SORCS3: variants seen among roughly 807,000 people sequenced by gnomAD.
SORCS3 encodes sortilin related VPS10 domain containing receptor 3.
In SORCS3, 57 loss-of-function variants were observed where a neutral mutation model predicts 146.3. That is an observed-to-expected ratio of 0.39 (90% CI 0.31 to 0.49). The LOEUF (loss-of-function observed/expected upper bound fraction) is 0.49, where lower values mean the gene tolerates loss of function less well. Ranked by LOEUF, SORCS3 falls within the 20% of genes least tolerant of loss-of-function variation. The pLI is 0.92. For missense variants in SORCS3, 1,341 were observed against 1,575.5 expected (o/e 0.85, Z 2.52); for synonymous variants, 653 against 618.5 (o/e 1.06, Z -0.83).
At chr10:104,668,166 C>T (rs562527441) in intron 1 of SORCS3, among the ~76,000 whole-genome samples, 7 of 152,020 alleles carry the variant, frequency 4.6e-5, no homozygotes, top group South Asian at 4.2e-4. Flanking sequence ...TGTGTGTGTG[C>T]GCGCATGTGT....
At chr10:104,773,645 G>A (rs1248397574) in intron 1 of SORCS3, among the ~76,000 whole-genome samples, 1 of 152,220 alleles carries the variant, frequency 6.6e-6, no homozygotes, top group Non-Finnish European at 1.5e-5. Context: ...ACTGCTGTGT[G>A]TTGTTGGGAA....
At chr10:105,027,928 G>A (rs1477950406) in intron 4 of SORCS3, among the ~76,000 whole-genome samples, 2 of 152,096 alleles carry the variant, frequency 1.3e-5, no homozygotes, top group Non-Finnish European at 2.9e-5. Context: ...TATTTAAAAC[G>A]TTATCTTTAA....
At chr10:104,807,394 A>T (rs1236154018) in intron 1 of SORCS3, among the ~76,000 whole-genome samples, 1 of 152,224 alleles carries the variant, frequency 6.6e-6, no homozygotes, top group South Asian at 2.1e-4. Context: ...ATGTGAATAC[A>T]TTATATATTT....
intron 4 of SORCS3, among the ~76,000 whole-genome samples, chr10:105,022,106 T>G (rs551562155): frequency 1.3e-5 from 2 of 152,254 alleles, no homozygotes; most frequent in South Asian, 4.1e-4. Context: ...TTCCACATTA[T>G]AGTACAGTGG....
At chr10:105,194,169 A>G (rs1273686020) in intron 14 of SORCS3, among the ~76,000 whole-genome samples, 1 of 152,286 alleles carries the variant, frequency 6.6e-6, no homozygotes, top group Middle Eastern at 3.4e-3. Context: ...ATATTTATAT[A>G]TGAGGTGTTC....
chr10:105,193,282 A>G (rs1003437282), intron 14 of SORCS3, among the ~76,000 whole-genome samples: 1 of 152,202 alleles, frequency 6.6e-6, no homozygotes. Flanking sequence ...GTCCTTCTAT[A>G]TTCCAAATGA....
chr10:105,089,866 C>T, intron 6 of SORCS3, 27 bp downstream of exon 6: 1 of 1,597,110 alleles, frequency 6.3e-7, no homozygotes, highest in Non-Finnish European at 8.6e-7. Context: ...CCAGGCTAGG[C>T]CCAGGGAGAT....
At chr10:104,977,272 AG>A in intron 3 of SORCS3, 62 bp from the exon 4 acceptor site, 1 of 1,346,016 alleles carries the variant, frequency 7.4e-7, no homozygotes. Context: ...TTATGATTAA[AG>A]TTATTATATT....
intron 1 of SORCS3, among the ~76,000 whole-genome samples, chr10:104,734,238 G>C (rs577892210): frequency 7.9e-4 from 121 of 152,298 alleles, no homozygotes; most frequent in Middle Eastern, 3.4e-3. Flanking sequence ...TACCATTAGA[G>C]ATGCAATTCT....
At chr10:105,253,620 A>G (rs2056913533) in intron 23 of SORCS3, among the ~76,000 whole-genome samples, 1 of 152,194 alleles carries the variant, frequency 6.6e-6, no homozygotes, top group Non-Finnish European at 1.5e-5. Context: ...AGTCAGGTGC[A>G]ATAGAAATAA....
rs181321270 is a variant in SORCS3 at position 104,651,310 on chromosome 10, G to T, written c.627+9356G>T. ...ACAGCAATCTTGAACAAGTCTCTAA[G>T]CCTTAGTTTCACTGGCTGTAAAATG... On this transcript the variant is annotated intron_variant, in intron 1 of 26. Coordinates refer to ENST00000369701, the MANE Select transcript of SORCS3 (RefSeq NM_014978.3). 1.1e-4 allele frequency among the ~76,000 whole-genome samples: 16 copies of T among 152,270 alleles called. No homozygotes were observed. In the East Asian group the frequency reaches 2.3e-3, roughly 22 times the overall value.
intron 4 of SORCS3, among the ~76,000 whole-genome samples, chr10:104,984,971 T>C (rs2054953793): frequency 6.6e-6 from 1 of 152,148 alleles, no homozygotes; most frequent in Non-Finnish European, 1.5e-5. Flanking sequence ...TCTTACCTTG[T>C]TATAGATGAC....
chr10:104,818,408 CTCT>C (rs2017832254), intron 1 of SORCS3, among the ~76,000 whole-genome samples: 1 of 150,596 alleles, frequency 6.6e-6, no homozygotes, highest in Non-Finnish European at 1.5e-5. Flanking sequence ...TTCCTTCTTT[CTCT>C]CTTTTTTTTT....
chr10:105,007,981 T>C (rs2055107895), intron 4 of SORCS3, among the ~76,000 whole-genome samples: 1 of 151,980 alleles, frequency 6.6e-6, no homozygotes, highest in South Asian at 2.1e-4. Context: ...ACCTAAAAGA[T>C]GGGGTGGGGG....
At chr10:104,943,828 G>T (rs1427606296) in intron 3 of SORCS3, among the ~76,000 whole-genome samples, 1 of 152,330 alleles carries the variant, frequency 6.6e-6, no homozygotes, top group East Asian at 1.9e-4. Context: ...CAGTAATTAA[G>T]AAAGTCTGGT....
chr10:105,103,438 C>T (rs936077521), intron 6 of SORCS3, among the ~76,000 whole-genome samples: 5 of 152,182 alleles, frequency 3.3e-5, no homozygotes, highest in Non-Finnish European at 7.3e-5. Context: ...CAGGCTTAGG[C>T]TTTAGAGATG....
intron 5 of SORCS3, among the ~76,000 whole-genome samples, chr10:105,050,870 TCCTC>T (rs1489324608): frequency 1.3e-4 from 20 of 152,170 alleles, no homozygotes; most frequent in Admixed American, 1.3e-3. Context: ...TTGGACTACT[TCCTC>T]TGTTTTCTCT....
At chr10:104,727,927 C>T (rs769554046) in intron 1 of SORCS3, among the ~76,000 whole-genome samples, 1 of 152,084 alleles carries the variant, frequency 6.6e-6, no homozygotes, top group African/African-American at 2.4e-5. Context: ...AACCATCCCC[C>T]ACCCCACCTT....
intron 14 of SORCS3, among the ~76,000 whole-genome samples, chr10:105,190,936 T>G (rs1460767255): frequency 2.0e-5 from 3 of 152,196 alleles, no homozygotes; most frequent in African/African-American, 4.8e-5. Context: ...CAACTCAAAA[T>G]CGTGTTAGAT....
Sources: allele counts gnomAD v4.1 joint callset (sites outside exome capture counted in the v4.1 genomes callset), GRCh38; gene constraint gnomAD v4.1.1; transcripts MANE v1.5; gene names NCBI Gene and HGNC (gene_info 2026-07-23, HGNC 2026-07-21).